The following GRHL3 variants were observed in gnomAD, a reference collection of about 807,000 sequenced individuals.
GRHL3 encodes the protein grainyhead like transcription factor 3, also known as grainyhead-like protein 3 homolog.
In GRHL3, 20 loss-of-function variants were observed where a neutral mutation model predicts 70.3. The observed-to-expected ratio is 0.28, with a 90% CI of 0.20 to 0.41. The LOEUF (loss-of-function observed/expected upper bound fraction) is 0.41. Among genes scored for constraint, GRHL3 ranks in the 10% least tolerant of loss-of-function variants. The probability of loss-of-function intolerance (pLI) is 1.00; values close to 1 mark genes in which losing one functional copy is unlikely to be tolerated. For missense variants in GRHL3, 637 were observed against 762.3 expected (o/e 0.84, Z 1.94); for synonymous variants, 299 against 299.9 (o/e 1.00, Z 0.03).
intron 15 of GRHL3, among the ~76,000 whole-genome samples, chr1:24,352,576 G>A (rs1640557133): frequency 6.6e-6 from 1 of 152,194 alleles, no homozygotes; most frequent in Non-Finnish European, 1.5e-5. Flanking sequence ...TGGCAGATGT[G>A]AGCAGGTGTG....
At chr1:24,364,143 G>A in intron 15 of GRHL3, 1 of 1,470,236 alleles carries the variant, frequency 6.8e-7, no homozygotes, top group Non-Finnish European at 9.0e-7. Context: ...AACTTTCCCT[G>A]CAAACTCGAA....
chr1:24,343,126 C>T (rs1640115934), intron 11 of GRHL3, 101 bp downstream of exon 11: 1 of 1,390,674 alleles, frequency 7.2e-7, no homozygotes, highest in African/African-American at 1.4e-5. Context: ...GCCTGCCCCT[C>T]AGCCAGTTTC....
Position 24,342,060 on chromosome 1 carries a change from G to A in GRHL3, c.1048-55G>A, listed in dbSNP as rs186916951. 3.6e-3 allele frequency: 5,353 copies of A among 1,487,834 alleles called. 19 individuals are homozygous for A. Among genetic ancestry groups the A allele is most frequent in the Non-Finnish European group, 3.6e-3 (3,995 of 1,103,892 alleles). 92.2% of individuals were successfully genotyped at this position (1,487,834 alleles called of 1,614,324 possible). On this transcript the variant is annotated intron_variant, in intron 8 of 15. Transcript: ENST00000361548. The surrounding 1 kb of genome is among the most constrained non-coding windows in gnomAD (Gnocchi z 4.8). The stretch of plus-strand genomic sequence containing the variant: ...TAGAAATACAGGATCACTGTGGGAC[G>A]GTGGGGCTGGCCACCTGGGCAGGCC...
intron 1 of GRHL3, chr1:24,319,831 C>A: frequency 9.3e-7 from 1 of 1,076,882 alleles, no homozygotes; most frequent in Non-Finnish European, 1.3e-6. Flanking sequence ...AAGACTGAAA[C>A]TGTGAAGGTT....
At chr1:24,320,812 T>C (rs1346145552) in intron 1 of GRHL3, among the ~76,000 whole-genome samples, 1 of 152,200 alleles carries the variant, frequency 6.6e-6, no homozygotes, top group Admixed American at 6.5e-5. Flanking sequence ...AGCAGGAGCA[T>C]TGGTACTGAC....
chr1:24,357,343 T>A (rs983707313), downstream of GRHL3: 1 of 152,264 alleles, frequency 6.6e-6, no homozygotes, highest in Non-Finnish European at 1.5e-5. Context: ...TCCCACCTCC[T>A]GAACTTCCCA....
At chr1:24,329,125 G>A (rs778050901) in intron 1 of GRHL3, among the ~76,000 whole-genome samples, 9 of 152,120 alleles carry the variant, frequency 5.9e-5, no homozygotes, top group Non-Finnish European at 8.8e-5. Flanking sequence ...CCCGCTCTCC[G>A]CACCCCTAGA....
intron 12 of GRHL3, among the ~76,000 whole-genome samples, chr1:24,345,258 CCCCCTCCACACCTGTG>C (rs1431240612): frequency 8.9e-5 from 6 of 67,214 alleles, no homozygotes; most frequent in African/African-American, 1.2e-4. Context: ...CACACCTGTG[CCCCCTCCACACCTGTG>C]CCCCTCCACA....
chr1:24,354,496 C>G lies in GRHL3; in HGVS notation c.*8C>G. ...ATCCTTAAGGAGCTGTAAGGCCTCT[C>G]GAGCATCCAAACCCTCACGACCTGC... On this transcript the variant is annotated 3_prime_UTR_variant, in exon 16 of 16. Coordinates refer to ENST00000361548, the MANE Select transcript of GRHL3 (RefSeq NM_198173.3). 1 of 1,581,832 alleles carries G rather than the reference C, an allele frequency of 6.3e-7. No individual in the cohort carries two copies. The highest frequency in any genetic ancestry group is 1.3e-5 in the African/African-American group (1 of 74,460).
chr1:24,359,131 C>T (rs187092005), downstream of GRHL3, among the ~76,000 whole-genome samples: 196 of 152,302 alleles, frequency 1.3e-3, no homozygotes, highest in African/African-American at 4.4e-3. This position sits in a 1 kb window ranked among gnomAD's most constrained non-coding sequence, Gnocchi z 5.3. Context: ...CTTGGAAAGC[C>T]GCTCAGGGGA....
chr1:24,351,446 T>C (rs1357435325), intron 15 of GRHL3, among the ~76,000 whole-genome samples: 1 of 152,104 alleles, frequency 6.6e-6, no homozygotes, highest in Admixed American at 6.5e-5. Flanking sequence ...TCTAGAGTTT[T>C]TCGTGTGTCT....
chr1:24,360,266 G>A (rs1052287331), downstream of GRHL3, among the ~76,000 whole-genome samples: 3 of 152,076 alleles, frequency 2.0e-5, no homozygotes, highest in Admixed American at 6.5e-5. Context: ...CCAACATAGC[G>A]AACCCCTGTC....
intron 2 of GRHL3, among the ~76,000 whole-genome samples, chr1:24,332,814 G>C (rs548861215): frequency 6.6e-6 from 1 of 152,344 alleles, no homozygotes; most frequent in South Asian, 2.1e-4. Context: ...GAGAGGCCAA[G>C]TGGGTTCCAG....
At chr1:24,362,814 C>T (rs890451206) in intron 15 of GRHL3, among the ~76,000 whole-genome samples, 1 of 152,092 alleles carries the variant, frequency 6.6e-6, no homozygotes, top group Admixed American at 6.5e-5. Flanking sequence ...GAGCAGCTGG[C>T]GTGGATGCTT....
At chr1:24,354,329 C>T in intron 15 of GRHL3, 45 bp from the exon 16 acceptor site, 1 of 1,402,114 alleles carries the variant, frequency 7.1e-7, no homozygotes, top group Non-Finnish European at 1.0e-6. Flanking sequence ...GGCCTGAAAA[C>T]AGGGCGCCTG....
chr1:24,349,012 C>T (rs1640399558), intron 14 of GRHL3, among the ~76,000 whole-genome samples: 2 of 152,216 alleles, frequency 1.3e-5, no homozygotes, highest in Admixed American at 6.5e-5. Context: ...TTTACACAAT[C>T]GTCTCAGTTC....
chr1:24,346,196 ATTG>A (rs1425291535), intron 12 of GRHL3, among the ~76,000 whole-genome samples: 1 of 150,316 alleles, frequency 6.7e-6, no homozygotes, highest in Non-Finnish European at 1.5e-5. Flanking sequence ...GTCCACATTT[ATTG>A]AGGCCCTCCT....
rs956916936 is a variant in GRHL3 at position 24,360,827 on chromosome 1, A to C, written c.1695-3358A>C. On this transcript the variant is annotated intron_variant, in intron 15 of 15. Transcript: ENST00000350501. ...CAGTTCCAGAAGATTTGGTTTTTAC[A>C]ATCATTTAAAACAATCCTCTGACCT... 6.4e-6 allele frequency: 10 copies of C among 1,569,278 alleles called. No individual in the cohort carries two copies. The African/African-American group carries it at 1.1e-4, about 17-fold the overall frequency.
intron 1 of GRHL3, among the ~76,000 whole-genome samples, chr1:24,324,859 A>G (rs1392035110): frequency 1.3e-5 from 2 of 152,074 alleles, no homozygotes; most frequent in Non-Finnish European, 2.9e-5. Context: ...GTCATTACAG[A>G]GCCATGCCCT....
Sources: allele counts gnomAD v4.1 joint callset (sites outside exome capture counted in the v4.1 genomes callset), GRCh38; gene constraint gnomAD v4.1.1; non-coding constraint Gnocchi (gnomAD v3.1); transcripts MANE v1.5; gene names NCBI Gene and HGNC (gene_info 2026-07-23, HGNC 2026-07-21).